The following GALNTL6 variants were observed in gnomAD, a reference collection of about 807,000 sequenced individuals.
GALNTL6 encodes the protein polypeptide N-acetylgalactosaminyltransferase-like 6.
A neutral mutation model predicts 73.7 loss-of-function variants in GALNTL6; 46 were observed. That is an observed-to-expected ratio of 0.62 (90% CI 0.49 to 0.80). GALNTL6 has a LOEUF of 0.80. Among genes scored for constraint, GALNTL6 ranks in the 30% least tolerant of loss-of-function variants. GALNTL6 has a pLI of 0.00. For synonymous variants in GALNTL6, 259 were observed against 263.7 expected (o/e 0.98, Z 0.17); for missense variants, 604 against 755.0 (o/e 0.80, Z 2.34).
chr4:172,339,273 A>ACACACAC (rs1215774064), intron 4 of GALNTL6, among the ~76,000 whole-genome samples: 1 of 107,970 alleles, frequency 9.3e-6, no homozygotes, highest in Non-Finnish European at 1.9e-5. Flanking sequence ...ACACACACAC[A>ACACACAC]CACACACACA....
chr4:172,936,727 A>G (rs1748639104), intron 9 of GALNTL6, among the ~76,000 whole-genome samples: 1 of 152,228 alleles, frequency 6.6e-6, no homozygotes, highest in Admixed American at 6.5e-5. Flanking sequence ...GGACCTCTTC[A>G]AGGAGAACTA....
At chr4:172,094,190 C>T (rs1428342392) in intron 2 of GALNTL6, among the ~76,000 whole-genome samples, 2 of 152,122 alleles carry the variant, frequency 1.3e-5, no homozygotes, top group Non-Finnish European at 2.9e-5. Flanking sequence ...TATTTACTAA[C>T]AAGCCCAGAT....
intron 9 of GALNTL6, among the ~76,000 whole-genome samples, chr4:172,948,353 A>C (rs79287234): frequency 0.018 from 2,790 of 152,332 alleles, 87 homozygotes; most frequent in African/African-American, 0.063. Context: ...ATGATTTCAC[A>C]TGATCCTTGG....
intron 5 of GALNTL6, among the ~76,000 whole-genome samples, chr4:172,733,201 A>G (rs1333976794): frequency 2.0e-5 from 3 of 152,002 alleles, no homozygotes; most frequent in Non-Finnish European, 2.9e-5. Flanking sequence ...TGCTGAATAC[A>G]TTTCTGGGTG....
intron 2 of GALNTL6, among the ~76,000 whole-genome samples, chr4:172,185,364 G>T (rs977511764): frequency 1.3e-5 from 2 of 152,144 alleles, no homozygotes; most frequent in Non-Finnish European, 2.9e-5. Flanking sequence ...AAAGTCAGCA[G>T]CACCTGTTTT....
chr4:172,901,487 C>T (rs1746627392), intron 8 of GALNTL6, among the ~76,000 whole-genome samples: 1 of 152,086 alleles, frequency 6.6e-6, no homozygotes, highest in African/African-American at 2.4e-5. Flanking sequence ...GTCTGGAAAA[C>T]ACGTCTGGAT....
At chr4:172,836,884 GAC>G (rs1269131011) in intron 7 of GALNTL6, among the ~76,000 whole-genome samples, 1 of 152,124 alleles carries the variant, frequency 6.6e-6, no homozygotes, top group Non-Finnish European at 1.5e-5. Context: ...GTCCCCAGGA[GAC>G]ACACACCTCA....
At chr4:172,942,863 T>TCCTAC (rs1748982761) in intron 9 of GALNTL6, among the ~76,000 whole-genome samples, 1 of 152,132 alleles carries the variant, frequency 6.6e-6, no homozygotes, top group Non-Finnish European at 1.5e-5. Flanking sequence ...GATGACTGTC[T>TCCTAC]CCTACCTGTG....
chr4:171,888,329 G>A (rs1305351602), intron 2 of GALNTL6, among the ~76,000 whole-genome samples: 1 of 150,364 alleles, frequency 6.7e-6, no homozygotes, highest in Non-Finnish European at 1.5e-5. Context: ...TTCAGCAACA[G>A]TGATAGCTTC....
intron 2 of GALNTL6, among the ~76,000 whole-genome samples, chr4:171,986,644 T>G (rs2111088653): frequency 6.6e-6 from 1 of 151,904 alleles, no homozygotes; most frequent in South Asian, 2.1e-4. Flanking sequence ...GAAGGAAGAT[T>G]TTGTGGTAAG....
At chr4:172,673,378 G>C (rs1052184698) in intron 5 of GALNTL6, among the ~76,000 whole-genome samples, 1 of 152,160 alleles carries the variant, frequency 6.6e-6, no homozygotes, top group Non-Finnish European at 1.5e-5. Flanking sequence ...TGCTGAGAAT[G>C]TTTTACTTCT....
At chr4:172,482,274 C>G (rs1317008875) in intron 5 of GALNTL6, among the ~76,000 whole-genome samples, 1 of 152,238 alleles carries the variant, frequency 6.6e-6, no homozygotes, top group Non-Finnish European at 1.5e-5. Flanking sequence ...TCCCCGCAAG[C>G]AGAGGGAGCT....
At chr4:172,325,892 T>A (rs1468658383) in intron 4 of GALNTL6, among the ~76,000 whole-genome samples, 2 of 151,790 alleles carry the variant, frequency 1.3e-5, no homozygotes, top group African/African-American at 4.8e-5. Context: ...AACACTCCAC[T>A]CTACAATAGC....
intron 8 of GALNTL6, among the ~76,000 whole-genome samples, chr4:172,894,080 G>C (rs1336866432): frequency 6.6e-6 from 1 of 152,262 alleles, no homozygotes; most frequent in South Asian, 2.1e-4. Context: ...CAGAAGATCT[G>C]TTCAAAGTGT....
intron 2 of GALNTL6, among the ~76,000 whole-genome samples, chr4:171,957,197 G>A (rs1739077121): frequency 6.6e-6 from 1 of 152,176 alleles, no homozygotes; most frequent in African/African-American, 2.4e-5. Flanking sequence ...TTATGGCTTA[G>A]TGTAGTGACA....
At chr4:172,691,530 G>A (rs1018805228) in intron 5 of GALNTL6, among the ~76,000 whole-genome samples, 6 of 152,128 alleles carry the variant, frequency 3.9e-5, no homozygotes, top group African/African-American at 1.4e-4. Flanking sequence ...AATAGCACAT[G>A]GCTCTTCTAG....
At chr4:172,458,649 C>A (rs554573355) in intron 5 of GALNTL6, among the ~76,000 whole-genome samples, 1 of 152,130 alleles carries the variant, frequency 6.6e-6, no homozygotes, top group Non-Finnish European at 1.5e-5. Context: ...TGGACACATA[C>A]ACCCTCCCAG....
chr4:172,808,852 G>A (rs1741124031), intron 5 of GALNTL6, among the ~76,000 whole-genome samples: 1 of 152,126 alleles, frequency 6.6e-6, no homozygotes, highest in Non-Finnish European at 1.5e-5. Flanking sequence ...AAACTTTCTT[G>A]CTAGTTTGCT....
At chr4:172,061,149 C>T (rs1731187374) in intron 2 of GALNTL6, among the ~76,000 whole-genome samples, 1 of 151,976 alleles carries the variant, frequency 6.6e-6, no homozygotes, top group South Asian at 2.1e-4. Context: ...TATTTTTCTT[C>T]TTTAAAAGAC....
Sources: allele counts gnomAD v4.1 joint callset (sites outside exome capture counted in the v4.1 genomes callset), GRCh38; gene constraint gnomAD v4.1.1; transcripts MANE v1.5; gene names NCBI Gene and HGNC (gene_info 2026-07-23, HGNC 2026-07-21).